The following DNAH1 variants were observed in gnomAD, a reference collection of about 807,000 sequenced individuals.
The protein encoded by DNAH1 is dynein axonemal heavy chain 1.
In DNAH1, 327 loss-of-function variants were observed where a neutral mutation model predicts 484.3. The observed-to-expected ratio is 0.68, with a 90% CI of 0.62 to 0.74. The LOEUF is 0.74. DNAH1 is among the 30% of genes least tolerant of loss of function. The pLI is 0.00. For synonymous variants in DNAH1, 2,192 were observed against 2,191.9 expected, an observed-to-expected ratio of 1.00 and a Z score of 0.00; for missense variants, 5,052 against 5,546.8, an observed-to-expected ratio of 0.91 and a Z score of 2.83.
intron 46 of DNAH1, among the ~76,000 whole-genome samples, chr3:52,376,212 G>A (rs1703594994): frequency 6.6e-6 from 1 of 152,204 alleles, no homozygotes; most frequent in South Asian, 2.1e-4. Context: ...GCCTGCGTTA[G>A]TGTCCAGCTG....
Position 52,348,935 on chromosome 3 carries a change from C to G in DNAH1, c.2154C>G (p.Ser718=), listed in dbSNP as rs781155819. 5 of 1,613,394 alleles carry G rather than the reference C, an allele frequency of 3.1e-6. No individual in the cohort carries two copies. The highest frequency in any genetic ancestry group is 4.2e-6 in the Non-Finnish European group (5 of 1,179,868). The change falls in exon 13 of 78, where the codon TCC becomes TCG. Residue 718 remains serine (S), a synonymous_variant. Coordinates refer to ENST00000420323, the MANE Select transcript of DNAH1 (RefSeq NM_015512.5). The part of the protein sequence containing the change: ...IFISGDPLLE[S]VGLHEPLVEE... ...TCAGCGGTGACCCCCTGCTGGAGTC[C>G]GTGGGCCTTCATGAGCCACTGGTGG...
chr3:52,400,233 CAGCTT>C (rs1481370037), intron 77 of DNAH1, 87 bp from the exon 78 acceptor site: 4 of 1,550,438 alleles, frequency 2.6e-6, no homozygotes, highest in Non-Finnish European at 3.5e-6. Flanking sequence ...TCCCTGTCCT[CAGCTT>C]AGTCTGCCCA....
At position 52,391,606 on chromosome 3, in the gene DNAH1, G is replaced by A; in HGVS notation, c.10052+3G>A. 1 of 1,613,564 alleles carries A rather than the reference G, an allele frequency of 6.2e-7. No homozygotes were observed. Among genetic ancestry groups the A allele is most frequent in the South Asian group, 1.1e-5 (1 of 91,056 alleles). On this transcript the variant is annotated splice_donor_region_variant and intron_variant, in intron 63 of 77. Coordinates refer to ENST00000420323, the MANE Select transcript of DNAH1 (RefSeq NM_015512.5). ...ATCAACTTCACCCTGTCGCCCAGGT[G>A]AGCCCCCACTCTTGGGGACGCCCAA...
chr3:52,357,050 T>C (rs1702642267), intron 22 of DNAH1, among the ~76,000 whole-genome samples: 2 of 151,728 alleles, frequency 1.3e-5, no homozygotes, highest in Admixed American at 1.3e-4. Context: ...GTTTTTTTTT[T>C]TGAAACAGAG....
At chr3:52,329,604 G>T (rs1701469061) in intron 6 of DNAH1, among the ~76,000 whole-genome samples, 1 of 152,116 alleles carries the variant, frequency 6.6e-6, no homozygotes, top group Non-Finnish European at 1.5e-5. Flanking sequence ...AAGGCAGGCG[G>T]ATCATGAGGT....
At chr3:52,352,998 C>T in intron 18 of DNAH1, 105 bp from the exon 19 acceptor site, 2 of 1,208,958 alleles carry the variant, frequency 1.7e-6, no homozygotes, top group Non-Finnish European at 2.3e-6. Flanking sequence ...GGACATCAGC[C>T]AGGAGCAAGG....
Position 52,386,718 on chromosome 3 carries a change from C to T in DNAH1, c.8868C>T (p.Cys2956=), listed in dbSNP as rs1474961384. ...TGAAACTGGTCATAGAAGCTGTGTG[C>T]ATTATGAAAGGCATCAAGCCCAAGA... ...PGVKLVIEAV[C]IMKGIKPKKV... Residue 2956 remains cysteine, a synonymous_variant, in exon 56 of 78, where the codon TGC becomes TGT. Coordinates refer to ENST00000420323, the MANE Select transcript of DNAH1 (RefSeq NM_015512.5). 6.3e-7 allele frequency: 1 copy of T among 1,592,590 alleles called. No homozygotes were observed. The highest frequency in any genetic ancestry group is 8.5e-7 in the Non-Finnish European group (1 of 1,169,946).
chr3:52,366,785 T>C lies in DNAH1; in HGVS notation c.5663T>C (p.Ile1888Thr). Reference sequence around the variant, plus strand: ...ACGTCACTGAAAGGGCAGCCATCCATCAGTGGTGGCATGTACGAGGCTGTC... The same window carrying C: ...ACGTCACTGAAAGGGCAGCCATCCACCAGTGGTGGCATGTACGAGGCTGTC... ...AMTSLKGQPS[I>T]SGGMYEAVNY... The change falls in exon 36 of 78, where the codon ATC (isoleucine) becomes ACC (threonine). Residue 1888 changes from isoleucine to threonine, a missense_variant. Ile to Thr is a moderately conservative substitution (Grantham distance 89). Transcript: ENST00000420323. The C allele has an allele frequency of 6.2e-7, 1 of 1,613,584 alleles. No homozygotes were observed. The highest frequency in any genetic ancestry group is 8.5e-7 in the Non-Finnish European group (1 of 1,179,712).
At chr3:52,366,429 C>A in intron 34 of DNAH1, 28 bp from the exon 35 acceptor site, 1 of 1,558,356 alleles carries the variant, frequency 6.4e-7, no homozygotes. Flanking sequence ...CATGCTCTGA[C>A]CCTTGGGCCC....
intron 8 of DNAH1, among the ~76,000 whole-genome samples, chr3:52,332,762 G>A (rs1241685576): frequency 3.3e-5 from 5 of 152,198 alleles, no homozygotes; most frequent in African/African-American, 7.2e-5. Flanking sequence ...TTATTAGCAA[G>A]ATGCCCCTAA....
intron 8 of DNAH1, among the ~76,000 whole-genome samples, chr3:52,336,317 G>A (rs542429150): frequency 6.6e-6 from 1 of 152,122 alleles, no homozygotes; most frequent in Admixed American, 6.6e-5. Context: ...TTGGGAGGCC[G>A]AGCAAGGTGG....
intron 8 of DNAH1, among the ~76,000 whole-genome samples, 170 bp downstream of exon 8, chr3:52,332,564 T>A: frequency 6.6e-6 from 1 of 152,208 alleles, no homozygotes; most frequent in East Asian, 1.9e-4. Flanking sequence ...TTTTTGTTCA[T>A]CTCCAGATCC....
At chr3:52,328,200 C>T (rs1245342810) in intron 6 of DNAH1, among the ~76,000 whole-genome samples, 186 bp downstream of exon 6, 1 of 152,162 alleles carries the variant, frequency 6.6e-6, no homozygotes, top group African/African-American at 2.4e-5. Context: ...GGGAAAACAT[C>T]GTTGGGAGAG....
Position 52,378,615 on chromosome 3 carries a change from C to A in DNAH1, c.7212C>A (p.His2404Gln), listed in dbSNP as rs777392154. Residue 2404 changes from histidine to glutamine, a missense_variant, in exon 47 of 78, where the codon CAC becomes CAA. By Grantham distance (24) the His-to-Gln change is conservative. Transcript: ENST00000420323. ...CTATTCCCCCAGCTGGGGCCCCCCACATTGCCCACTTCACGGAGCCCCTTG... is the reference window on the plus strand; with the variant it reads ...CTATTCCCCCAGCTGGGGCCCCCCAAATTGCCCACTTCACGGAGCCCCTTG... The part of the protein sequence containing the change: ...SYRERVPGAP[H>Q]IAHFTEPLVE... The A allele has an allele frequency of 4.3e-6, 7 of 1,613,410 alleles. No homozygotes were observed. Among genetic ancestry groups the A allele is most frequent in the Middle Eastern group, 1.6e-4 (1 of 6,082 alleles).
rs371353386 is a variant in DNAH1, at chr3:52,399,012, G to A, written c.12252G>A (p.Lys4084=). The A allele has an allele frequency of 3.5e-5, 56 of 1,614,040 alleles. 1 individual carries two copies. In the African/African-American group the frequency reaches 7.3e-4, roughly 21 times the overall value. The change falls in exon 76 of 78, where the codon AAG becomes AAA. Residue 4084 remains lysine, a synonymous_variant. Coordinates refer to ENST00000420323, the MANE Select transcript of DNAH1 (RefSeq NM_015512.5). Reference sequence around the variant, plus strand: ...GTGCCAAGGCCTACCCATCGCTCAAGCCTCTGTCATCATGGGTCATGGACC... The same window carrying A: ...GTGCCAAGGCCTACCCATCGCTCAAACCTCTGTCATCATGGGTCATGGACC... The part of the protein sequence containing the change: ...LWSAKAYPSL[K]PLSSWVMDLL...
chr3:52,320,131 C>T (rs1402611046), intron 1 of DNAH1, among the ~76,000 whole-genome samples: 1 of 152,222 alleles, frequency 6.6e-6, no homozygotes, highest in Admixed American at 6.5e-5. Flanking sequence ...GAGCTGGGAC[C>T]CTGGCCTCTC....
At chr3:52,374,897 G>A (rs914828739) in intron 44 of DNAH1, 7 of 1,011,108 alleles carry the variant, frequency 6.9e-6, no homozygotes, top group Admixed American at 1.9e-5. Flanking sequence ...TACTAAAAAC[G>A]AGAGTGACAT....
At chr3:52,389,419 G>A (rs1704266788) in intron 59 of DNAH1, 42 bp from the exon 60 acceptor site, 1 of 1,609,306 alleles carries the variant, frequency 6.2e-7, no homozygotes, top group East Asian at 2.2e-5. Context: ...AGGTCTCTGT[G>A]AGTGTCATGG....
At chr3:52,349,132 G>A (rs1559512229) in intron 13 of DNAH1, 51 bp downstream of exon 13, 1 of 1,612,384 alleles carries the variant, frequency 6.2e-7, no homozygotes, top group Non-Finnish European at 8.5e-7. Context: ...GTTTGTGCAT[G>A]TGTATCCCCT....
Sources: gnomAD v4.1 joint callset for allele counts (sites outside exome capture counted in the v4.1 genomes callset) on GRCh38, gnomAD v4.1.1 for gene constraint, MANE v1.5 for transcripts, NCBI Gene and HGNC (gene_info 2026-07-23, HGNC 2026-07-21) for gene names.